DNAAF5: variants seen among roughly 807,000 people sequenced by gnomAD.
DNAAF5 encodes HEAT repeat containing 2.
DNAAF5 carries 64 observed loss-of-function variants against 75.8 expected under a neutral mutation model. The ratio of observed to expected loss-of-function variants is 0.84; its 90% CI spans 0.69 to 1.04. The LOEUF (loss-of-function observed/expected upper bound fraction) is 1.04, where lower values mean the gene tolerates loss of function less well. Among genes scored for constraint, DNAAF5 ranks in the 50% least tolerant of loss-of-function variants. The pLI is 0.00. For synonymous variants in DNAAF5, 657 were observed against 557.2 expected, an observed-to-expected ratio of 1.18 and a Z score of -2.52; for missense variants, 1,269 against 1,178.5, an observed-to-expected ratio of 1.08 and a Z score of -1.12.
intron 8 of DNAAF5, chr7:768,778 A>G (rs1316850409): frequency 4.9e-6 from 1 of 203,786 alleles, no homozygotes; most frequent in Non-Finnish European, 1.0e-5. Flanking sequence ...TCTTTTTCCC[A>G]TCCCAGGAGT....
intron 4 of DNAAF5, among the ~76,000 whole-genome samples, chr7:746,375 A>G (rs1390400848): frequency 4.1e-4 from 7 of 17,164 alleles, no homozygotes; most frequent in Admixed American, 8.6e-4. Flanking sequence ...CCCCCCACCC[A>G]ACATGCCCAG....
chr7:727,079 C>G lies in DNAAF5; in HGVS notation c.359C>G (p.Ala120Gly). 1 of 1,042,606 alleles carries G rather than the reference C, an allele frequency of 9.6e-7. No individual in the cohort carries two copies. The highest frequency in any genetic ancestry group is 1.1e-6 in the Non-Finnish European group (1 of 869,814). 64.6% of individuals were successfully genotyped at this position (1,042,606 alleles called of 1,614,324 possible). The change falls in exon 1 of 13, where the codon GCG becomes GGG. Residue 120 changes from alanine (A) to glycine (G), a missense_variant. By Grantham distance (60) the Ala-to-Gly change is moderately conservative. Coordinates refer to ENST00000297440, the MANE Select transcript of DNAAF5 (RefSeq NM_017802.4). ...GATGCCCTGCCGCGCCTGCTGCCCG[C>G]GCTCGCCGCGCGCTTGGCCGGCCCC... ...PRDALPRLLP[A>G]LAARLAGPVP...
intron 2 of DNAAF5, 28 bp from the exon 3 acceptor site, chr7:740,791 A>T (rs201074338): frequency 2.1e-4 from 339 of 1,611,964 alleles, no homozygotes; most frequent in Non-Finnish European, 2.8e-4. Context: ...TGCCTACACG[A>T]ATCCTTATCC....
rs538557115 is a variant in DNAAF5 at position 754,663 on chromosome 7, G to A, written c.1099G>A (p.Asp367Asn). The A allele has an allele frequency of 3.5e-5, 56 of 1,613,954 alleles. No homozygotes were observed. In the East Asian group the frequency reaches 6.2e-4, roughly 18 times the overall value. The part of the protein sequence containing the change: ...LSKILPALCH[D>N]ITDWVVGTRV... ...CAAGATCCTCCCTGCCCTGTGCCACGACATCACCGACTGGGTGGTGGGGAC... is the reference window on the plus strand; with the variant it reads ...CAAGATCCTCCCTGCCCTGTGCCACAACATCACCGACTGGGTGGTGGGGAC... Residue 367 changes from aspartate to asparagine, a missense_variant, in exon 5 of 13, where the codon GAC (aspartate) becomes AAC (asparagine). By Grantham distance (23) the Asp-to-Asn change is conservative (BLOSUM62 1). Transcript: ENST00000297440. The surrounding 1 kb of genome is among the most constrained non-coding windows in gnomAD (Gnocchi z 4.8).
intron 4 of DNAAF5, among the ~76,000 whole-genome samples, chr7:750,263 C>T (rs115554226): frequency 0.013 from 1,954 of 152,316 alleles, 46 homozygotes; most frequent in African/African-American, 0.041. Flanking sequence ...GCCCAGGCAT[C>T]GCACAGCCAG....
At chr7:742,304 A>G (rs984497094) in intron 4 of DNAAF5, among the ~76,000 whole-genome samples, 8 of 150,494 alleles carry the variant, frequency 5.3e-5, no homozygotes, top group Non-Finnish European at 1.2e-4. Flanking sequence ...TCAGATGCCC[A>G]GCCCAAATCA....
chr7:726,743 AG>A lies in DNAAF5; in HGVS notation c.25del (p.Ala9ProfsTer19). The A allele has an allele frequency of 8.0e-7, 1 of 1,244,648 alleles. No homozygotes were observed. The highest frequency in any genetic ancestry group is 1.0e-6 in the Non-Finnish European group (1 of 995,646). 77.1% of individuals were successfully genotyped at this position (1,244,648 alleles called of 1,614,324 possible). MAALGVA[E>X]AVAAPHPAEG... The stretch of plus-strand genomic sequence containing the variant: ...AAGATGGCGGCGCTGGGGGTGGCGG[AG>A]GCCGTGGCGGCCCCACACCCGGCTG... On this transcript the variant is annotated frameshift_variant, in exon 1 of 13. Transcript: ENST00000297440. LOFTEE classifies it high-confidence loss of function.
chr7:747,756 G>T (rs1782171588), intron 4 of DNAAF5, among the ~76,000 whole-genome samples: 1 of 26,726 alleles, frequency 3.7e-5, no homozygotes. Flanking sequence ...TGCAGTGGTG[G>T]CCCACGGTGT....
At chr7:747,444 G>A (rs368449478) in intron 4 of DNAAF5, among the ~76,000 whole-genome samples, 4 of 152,074 alleles carry the variant, frequency 2.6e-5, no homozygotes, top group African/African-American at 9.7e-5. Context: ...TTTTCAGCGT[G>A]TCCGGCTGGT....
At chr7:783,449 T>C (rs1026068781) in intron 12 of DNAAF5, among the ~76,000 whole-genome samples, 1 of 152,054 alleles carries the variant, frequency 6.6e-6, no homozygotes, top group Non-Finnish European at 1.5e-5. Context: ...CATGCCTGGC[T>C]TTGACTCACA....
chr7:782,942 C>G (rs1051740952), intron 12 of DNAAF5, among the ~76,000 whole-genome samples: 12 of 152,280 alleles, frequency 7.9e-5, no homozygotes, highest in Non-Finnish European at 1.8e-4. Context: ...GCATCAGAAA[C>G]TCGGATCGTC....
intron 7 of DNAAF5, among the ~76,000 whole-genome samples, chr7:762,572 G>A (rs200971726): frequency 6.6e-6 from 1 of 151,882 alleles, no homozygotes; most frequent in South Asian, 2.1e-4. Context: ...GCAGCACAGC[G>A]TTCAGAAGTA....
At chr7:759,107 C>T (rs1054038858) in intron 6 of DNAAF5, among the ~76,000 whole-genome samples, 1 of 152,114 alleles carries the variant, frequency 6.6e-6, no homozygotes, top group South Asian at 2.1e-4. Flanking sequence ...CGCGGCCGGC[C>T]GGGCTTTGTG....
chr7:753,986 G>T (rs1469318562), intron 4 of DNAAF5, among the ~76,000 whole-genome samples: 1 of 143,022 alleles, frequency 7.0e-6, no homozygotes, highest in Non-Finnish European at 1.5e-5. Flanking sequence ...CGATGGCTTC[G>T]CAGGCGTGTG....
intron 2 of DNAAF5, among the ~76,000 whole-genome samples, chr7:731,683 T>C (rs1260086317): frequency 6.9e-6 from 1 of 145,546 alleles, no homozygotes; most frequent in Non-Finnish European, 1.5e-5. Flanking sequence ...GTTTTTGTGA[T>C]TTTTTTTTTT....
chr7:765,786 A>T lies in DNAAF5; in HGVS notation c.1783+1812A>T, dbSNP rs192702332. On this transcript the variant is annotated intron_variant, in intron 8 of 12. Transcript: ENST00000297440. ...TACGATCACAGCTCACTGTAGCCTC[A>T]AACTTCCGGGATCAAGTGATTTTTC... 8.7e-4 allele frequency among the ~76,000 whole-genome samples: 133 copies of T among 152,204 alleles called. 1 individual carries two copies. Among genetic ancestry groups the T allele is most frequent in the Admixed American group, 4.8e-3 (73 of 15,284 alleles).
chr7:763,769 G>T, intron 7 of DNAAF5, 37 bp from the exon 8 acceptor site: 1 of 1,607,902 alleles, frequency 6.2e-7, no homozygotes. Flanking sequence ...AGCCCTGAGT[G>T]TTGGAATTGT....
chr7:754,458 C>A lies in DNAAF5; in HGVS notation c.1025-131C>A. On this transcript the variant is annotated intron_variant, in intron 4 of 12. Coordinates refer to ENST00000297440, the MANE Select transcript of DNAAF5 (RefSeq NM_017802.4). The surrounding 1 kb of genome is among the most constrained non-coding windows in gnomAD (Gnocchi z 4.8). ...GACGGGGCATTTGTCAGCTTTGCGT[C>A]CACCCCAAGACTTGTTTTGAAATGG... 1.3e-6 allele frequency: 1 copy of A among 782,000 alleles called. No individual in the cohort carries two copies. Among genetic ancestry groups the A allele is most frequent in the Non-Finnish European group, 2.2e-6 (1 of 455,708 alleles). 48.4% of individuals were successfully genotyped at this position (782,000 alleles called of 1,614,324 possible). A position where few individuals can be genotyped will look rare whatever the true frequency, so the allele number is the denominator to read the frequency against.
chr7:770,788 CG>C, intron 9 of DNAAF5, 170 bp downstream of exon 9: 2 of 625,258 alleles, frequency 3.2e-6, no homozygotes, highest in East Asian at 2.9e-5. Flanking sequence ...AAAGGTGGGC[CG>C]GGGGTCCCCA....
Sources: allele counts gnomAD v4.1 joint callset (sites outside exome capture counted in the v4.1 genomes callset), GRCh38; gene constraint gnomAD v4.1.1; non-coding constraint Gnocchi (gnomAD v3.1); transcripts MANE v1.5; gene names NCBI Gene and HGNC (gene_info 2026-07-23, HGNC 2026-07-21).